Variants in NUBPL observed in about 807,000 individuals in gnomAD.
The protein encoded by NUBPL is NUBP iron-sulfur cluster assembly factor, mitochondrial, also known as iron-sulfur cluster transfer protein NUBPL.
A neutral mutation model predicts 45.7 loss-of-function variants in NUBPL; 31 were observed. The ratio of observed to expected loss-of-function variants is 0.68; its 90% CI spans 0.51 to 0.92. The LOEUF is 0.92. NUBPL is among the 40% of genes least tolerant of loss of function. The pLI is 0.00. For synonymous variants in NUBPL, 144 were observed against 140.9 expected, an observed-to-expected ratio of 1.02 and a Z score of -0.15; for missense variants, 401 against 398.7, an observed-to-expected ratio of 1.01 and a Z score of -0.05.
intron 4 of NUBPL, among the ~76,000 whole-genome samples, chr14:31,603,594 T>A (rs553554511): frequency 2.0e-5 from 3 of 152,284 alleles, no homozygotes; most frequent in African/African-American, 7.2e-5. Flanking sequence ...TAAGAGGCTT[T>A]TGTTTGTGGT....
chr14:31,569,566 A>T (rs193259738), intron 3 of NUBPL, among the ~76,000 whole-genome samples: 24 of 152,242 alleles, frequency 1.6e-4, no homozygotes, highest in Admixed American at 1.4e-3. Flanking sequence ...TGCCTTTTAT[A>T]CTTTCCTTTG....
chr14:31,830,690 G>A (rs113711855), intron 8 of NUBPL, among the ~76,000 whole-genome samples: 1,760 of 152,278 alleles, frequency 0.012, 36 homozygotes, highest in African/African-American at 0.04. Flanking sequence ...GAAGAATGCA[G>A]GTTTTGGATA....
intron 6 of NUBPL, among the ~76,000 whole-genome samples, chr14:31,755,023 T>G (rs975556340): frequency 6.6e-6 from 1 of 151,938 alleles, no homozygotes; most frequent in African/African-American, 2.4e-5. Context: ...ACAAAGGACA[T>G]GAACTCATCG....
chr14:31,785,955 T>G (rs2039276266), intron 6 of NUBPL, among the ~76,000 whole-genome samples: 1 of 152,076 alleles, frequency 6.6e-6, no homozygotes, highest in African/African-American at 2.4e-5. Context: ...GCCTAGGAGT[T>G]TAAGACCAGC....
chr14:31,650,132 T>G (rs556323062), intron 4 of NUBPL, among the ~76,000 whole-genome samples: 47 of 152,280 alleles, frequency 3.1e-4, no homozygotes, highest in Admixed American at 6.5e-4. Context: ...ATTCACTTTT[T>G]CAGGGATAAT....
intron 4 of NUBPL, among the ~76,000 whole-genome samples, chr14:31,601,203 G>T (rs1216004009): frequency 2.0e-5 from 3 of 152,196 alleles, no homozygotes; most frequent in Admixed American, 6.5e-5. Context: ...CTCCAGCTTT[G>T]TTCTTTTGGC....
chr14:31,589,588 G>T (rs2034088711), intron 3 of NUBPL, among the ~76,000 whole-genome samples: 1 of 152,048 alleles, frequency 6.6e-6, no homozygotes, highest in African/African-American at 2.4e-5. Context: ...TAATAGAGGG[G>T]TGAAAGTGTA....
At chr14:31,732,662 A>G (rs2038078509) in intron 6 of NUBPL, among the ~76,000 whole-genome samples, 1 of 127,800 alleles carries the variant, frequency 7.8e-6, no homozygotes, top group Non-Finnish European at 1.6e-5. Flanking sequence ...CCCAGGCTGG[A>G]GTGCAGTGGC....
chr14:31,750,171 TA>T (rs1566540508), intron 6 of NUBPL, among the ~76,000 whole-genome samples: 1 of 51,936 alleles, frequency 1.9e-5, no homozygotes, highest in African/African-American at 4.2e-5. Flanking sequence ...TTACAATCAT[TA>T]TTATTATTTT....
At chr14:31,804,941 A>G (rs1375478948) in intron 7 of NUBPL, among the ~76,000 whole-genome samples, 1 of 152,220 alleles carries the variant, frequency 6.6e-6, no homozygotes, top group Non-Finnish European at 1.5e-5. Flanking sequence ...AAAGGGATCT[A>G]ATTAAAATTA....
intron 8 of NUBPL, among the ~76,000 whole-genome samples, chr14:31,841,284 G>A (rs150828423): frequency 8.3e-4 from 127 of 152,246 alleles, no homozygotes; most frequent in African/African-American, 2.9e-3. Flanking sequence ...TAAAATGATT[G>A]TACCCATTTC....
At chr14:31,705,379 G>A (rs1453328155) in intron 6 of NUBPL, among the ~76,000 whole-genome samples, 3 of 152,330 alleles carry the variant, frequency 2.0e-5, no homozygotes, top group African/African-American at 7.2e-5. Context: ...GGCTGGGGTG[G>A]CCTGCTTTTA....
At chr14:31,795,146 A>C (rs1449864634) in intron 7 of NUBPL, among the ~76,000 whole-genome samples, 4 of 149,900 alleles carry the variant, frequency 2.7e-5, no homozygotes, top group African/African-American at 9.9e-5. Context: ...CTTGTAGTAT[A>C]GTTTGAAGTC....
intron 6 of NUBPL, among the ~76,000 whole-genome samples, chr14:31,757,842 C>G (rs2038704696): frequency 6.6e-6 from 1 of 152,112 alleles, no homozygotes; most frequent in African/African-American, 2.4e-5. Context: ...AGTCTGACCT[C>G]TACTTACCTC....
At chr14:31,792,580 A>C (rs2039402187) in intron 7 of NUBPL, among the ~76,000 whole-genome samples, 1 of 152,146 alleles carries the variant, frequency 6.6e-6, no homozygotes, top group Admixed American at 6.6e-5. Flanking sequence ...TGTGGTTATT[A>C]AGTCAGTATT....
intron 6 of NUBPL, among the ~76,000 whole-genome samples, chr14:31,721,989 G>T (rs1227232037): frequency 6.6e-6 from 1 of 151,892 alleles, no homozygotes; most frequent in Non-Finnish European, 1.5e-5. Flanking sequence ...TGGTGTATAT[G>T]TACCACATTT....
At chr14:31,619,021 G>C (rs7144102) in intron 4 of NUBPL, among the ~76,000 whole-genome samples, 78,616 of 152,006 alleles carry the variant, frequency 0.52, 22,323 homozygotes, top group Non-Finnish European at 0.63. Flanking sequence ...TTGTTGCATT[G>C]ATGACTTCAT....
At chr14:31,754,513 T>C (rs1445955064) in intron 6 of NUBPL, among the ~76,000 whole-genome samples, 1 of 150,354 alleles carries the variant, frequency 6.7e-6, no homozygotes, top group East Asian at 1.9e-4. Context: ...AAATAAATTG[T>C]AAGAAAAAAT....
intron 4 of NUBPL, among the ~76,000 whole-genome samples, chr14:31,663,832 T>C (rs1247645649): frequency 1.3e-5 from 2 of 152,240 alleles, no homozygotes; most frequent in African/African-American, 4.8e-5. Context: ...CTTTGGGCAG[T>C]ATGGCCATTT....
Sources: allele counts gnomAD v4.1 joint callset (sites outside exome capture counted in the v4.1 genomes callset), GRCh38; gene constraint gnomAD v4.1.1; transcripts MANE v1.5; gene names NCBI Gene and HGNC (gene_info 2026-07-23, HGNC 2026-07-21).